The following MCIDAS variants were observed in gnomAD, a reference collection of about 807,000 sequenced individuals.
MCIDAS encodes multiciliate differentiation and DNA synthesis associated cell cycle protein, also known as multicilin.
A neutral mutation model predicts 35.4 loss-of-function variants in MCIDAS; 23 were observed. The ratio of observed to expected loss-of-function variants is 0.65; its 90% confidence interval spans 0.47 to 0.92. The LOEUF is 0.92. MCIDAS is among the 40% of genes least tolerant of loss of function. The probability of loss-of-function intolerance (pLI) is 0.00; values close to 1 mark genes in which losing one functional copy is unlikely to be tolerated. For missense variants in MCIDAS, 480 were observed against 531.8 expected (o/e 0.90, Z 0.96); for synonymous variants, 228 against 235.2 (o/e 0.97, Z 0.28).
rs973090404 is a variant in MCIDAS, at chr5:55,221,015, C to A, written c.717+1G>T. 1.3e-6 allele frequency: 2 copies of A among 1,535,362 alleles called. No homozygotes were observed. Among genetic ancestry groups the A allele is most frequent in the Non-Finnish European group, 1.7e-6 (2 of 1,146,240 alleles). On this transcript the variant is annotated splice_donor_variant, in intron 6 of 6. Transcript: ENST00000513312. LOFTEE classifies it high-confidence loss of function. ...TTCCCACACGCCCGCGCCCCACTTA[C>A]ATCCAGCACCGAGGCCAGGTGCCGG... is the stretch of plus-strand genomic sequence containing the variant.
rs1398796074 is a variant in MCIDAS at position 55,226,937 on chromosome 5, C to G, written c.121-6G>C. The G allele has an allele frequency of 4.8e-6, 7 of 1,459,366 alleles. No homozygotes were observed. The highest frequency in any genetic ancestry group is 6.3e-6 in the Non-Finnish European group (7 of 1,113,794). The allele number at this position is 1,459,366 out of a possible 1,614,324, so 90.4% of individuals were successfully genotyped here. A position where few individuals can be genotyped will look rare whatever the true frequency, so the allele number is the denominator to read the frequency against. On this transcript the variant is annotated splice_polypyrimidine_tract_variant and splice_region_variant and intron_variant, in intron 1 of 6. Transcript: ENST00000513312. ...AACTTCCGCGGAGGAGCGAACTGGC[C>G]GGGCACACAAACGTTGAACGCGGGT...
chr5:55,220,240 A>C lies in MCIDAS; in HGVS notation c.*126T>G, dbSNP rs1745324799. ...TAGCAGAAATTTACAATGCATCGGT[A>C]TCAAGATGCTTTTGTTCCTGAAAAA... On this transcript the variant is annotated 3_prime_UTR_variant, in exon 7 of 7. Coordinates refer to ENST00000513312, the MANE Select transcript of MCIDAS (RefSeq NM_001190787.3). 8.9e-6 allele frequency: 8 copies of C among 895,850 alleles called. No homozygotes were observed. Among genetic ancestry groups the C allele is most frequent in the Non-Finnish European group, 1.3e-5 (8 of 606,968 alleles). 55.5% of individuals were successfully genotyped at this position (895,850 alleles called of 1,614,324 possible).
At position 55,223,145 on chromosome 5, in the gene MCIDAS, G is replaced by T; in HGVS notation, c.310-122C>A. On this transcript the variant is annotated intron_variant, in intron 3 of 6. Transcript: ENST00000513312. The surrounding 1 kb of genome is among the most constrained non-coding windows in gnomAD (Gnocchi z 4.4). ...TGCAATATATGCACGTAACACAACT[G>T]CACTTGTACCCCTAAGTCCCCCCAA... The T allele has an allele frequency of 1.3e-6, 1 of 757,746 alleles. No homozygotes were observed. The highest frequency in any genetic ancestry group is 2.2e-6 in the Non-Finnish European group (1 of 461,864). The allele number at this position is 757,746 out of a possible 1,614,324, so 46.9% of individuals were successfully genotyped here.
At position 55,226,552 on chromosome 5, in the gene MCIDAS, AGGCTCC is replaced by A; in HGVS notation, c.309+18_309+23del. 1 of 1,525,848 alleles carries A rather than the reference AGGCTCC, an allele frequency of 6.6e-7. No individual in the cohort carries two copies. The highest frequency in any genetic ancestry group is 8.8e-7 in the Non-Finnish European group (1 of 1,141,638). The allele number at this position is 1,525,848 out of a possible 1,614,324, so 94.5% of individuals were successfully genotyped here. ...AGGGTTTGGGTTGCGTGAAACCACG[AGGCTCC>A]ACGAGAAGGGGAGGTACCTGCGAGG... On this transcript the variant is annotated intron_variant, in intron 3 of 6. Coordinates refer to ENST00000513312, the MANE Select transcript of MCIDAS (RefSeq NM_001190787.3).
Position 55,222,768 on chromosome 5 carries a change from G to A in MCIDAS, c.382+183C>T, listed in dbSNP as rs187099298. Among the ~76,000 whole-genome samples the A allele has an allele frequency of 2.5e-3, 377 of 152,312 alleles. 4 individuals are homozygous for A. Among genetic ancestry groups the A allele is most frequent in the Admixed American group, 0.022 (336 of 15,300 alleles). On this transcript the variant is annotated intron_variant, in intron 4 of 6. Coordinates refer to ENST00000513312, the MANE Select transcript of MCIDAS (RefSeq NM_001190787.3). ...AAGCGCTATGTAGATCCAGCGGTTC[G>A]ACTTCTCCACGGGGGAGAGAAATGT...
rs1745474451 is a variant in MCIDAS, at chr5:55,227,146, C to CCTGCCTCCGGGTGCCGA, written c.-25_-9dup. 8 of 1,435,274 alleles carry CCTGCCTCCGGGTGCCGA rather than the reference C, an allele frequency of 5.6e-6. No individual in the cohort carries two copies. The highest frequency in any genetic ancestry group is 7.3e-6 in the Non-Finnish European group (8 of 1,102,860). 88.9% of individuals were successfully genotyped at this position (1,435,274 alleles called of 1,614,324 possible). ...GCCCCCGCACGCCTGCATTGTGCCT[C>CCTGCCTCCGGGTGCCGA]CTGCCTCCGGGTGCCGACTGCTCGG... On this transcript the variant is annotated 5_prime_UTR_variant, in exon 1 of 7. Transcript: ENST00000513312.
At chr5:55,226,690 A>C (rs1216457860) in intron 2 of MCIDAS, 23 bp from the exon 3 acceptor site, 1 of 1,470,528 alleles carries the variant, frequency 6.8e-7, no homozygotes, top group Non-Finnish European at 9.0e-7. Flanking sequence ...ACCGGGAGAC[A>C]CGCGCCGGGC....
Position 55,220,400 on chromosome 5 carries a change from T to C in MCIDAS, c.1124A>G (p.Asn375Ser). The C allele has an allele frequency of 6.5e-7, 1 of 1,535,920 alleles. No homozygotes were observed. The highest frequency in any genetic ancestry group is 1.4e-5 in the African/African-American group (1 of 73,174). Residue 375 changes from asparagine to serine, a missense_variant, in exon 7 of 7, where the codon AAC becomes AGC. Asn to Ser is a conservative substitution (Grantham distance 46). Coordinates refer to ENST00000513312, the MANE Select transcript of MCIDAS (RefSeq NM_001190787.3). ...QGNAFTIRTANGGYKFRWVPS is the reference protein window; with the variant it reads ...QGNAFTIRTASGGYKFRWVPS Reference sequence around the variant, plus strand: ...GACCCAGCGGAACTTGTAACCCCCGTTGGCTGTTCTGATGGTGAAGGCATT... The same window carrying C: ...GACCCAGCGGAACTTGTAACCCCCGCTGGCTGTTCTGATGGTGAAGGCATT...
rs1471000530 is a variant in MCIDAS, at chr5:55,222,253, G to C, written c.529C>G (p.Pro177Ala). The change falls in exon 5 of 7, where the codon CCG (proline) becomes GCG (alanine). Residue 177 changes from proline to alanine, a missense_variant. Physicochemically the swap from Pro to Ala is conservative, Grantham distance 27 (BLOSUM62 -1). Transcript: ENST00000513312. ...ACCTCCTTCCAGTATTGCTCAGGCGGGGGCACGTCTGGAGGGCGCAGCGGT... is the reference window on the plus strand; with the variant it reads ...ACCTCCTTCCAGTATTGCTCAGGCGCGGGCACGTCTGGAGGGCGCAGCGGT... ...SPPLRPPDVP[P>A]PEQYWKEVAD... 1 of 1,536,058 alleles carries C rather than the reference G, an allele frequency of 6.5e-7. No homozygotes were observed. The highest frequency in any genetic ancestry group is 8.7e-7 in the Non-Finnish European group (1 of 1,146,910).
At position 55,227,269 on chromosome 5, in the gene MCIDAS, C is replaced by T; in HGVS notation, c.-131G>A. 8.1e-7 allele frequency: 1 copy of T among 1,233,534 alleles called. No homozygotes were observed. Among genetic ancestry groups the T allele is most frequent in the Non-Finnish European group, 1.0e-6 (1 of 955,978 alleles). 76.4% of individuals were successfully genotyped at this position (1,233,534 alleles called of 1,614,324 possible). A position where few individuals can be genotyped will look rare whatever the true frequency, so the allele number is the denominator to read the frequency against. On this transcript the variant is annotated 5_prime_UTR_variant, in exon 1 of 7. Transcript: ENST00000513312. ...CCAGAGGTTGGGGCAGGCGCGTGAC[C>T]GAGAAGGAGCCGAGGGGCTGCCGAG...
intron 5 of MCIDAS, among the ~76,000 whole-genome samples, chr5:55,221,868 T>C (rs1241756140): frequency 6.6e-6 from 1 of 151,490 alleles, no homozygotes; most frequent in African/African-American, 2.4e-5. Context: ...GAGGTTGTAG[T>C]GAACCGAGAT....
At position 55,220,330 on chromosome 5, in the gene MCIDAS, A is replaced by C; in HGVS notation, c.*36T>G. 6.7e-7 allele frequency: 1 copy of C among 1,501,218 alleles called. No homozygotes were observed. The highest frequency in any genetic ancestry group is 8.9e-7 in the Non-Finnish European group (1 of 1,123,950). 93.0% of individuals were successfully genotyped at this position (1,501,218 alleles called of 1,614,324 possible). ...GGAAGCCCCCAGGCACTTCAGTGGA[A>C]ACACAGGGCAGTGTTTTGGGGGACC... On this transcript the variant is annotated 3_prime_UTR_variant, in exon 7 of 7. Transcript: ENST00000513312.
At position 55,222,258 on chromosome 5, in the gene MCIDAS, A is replaced by G; in HGVS notation, c.524T>C (p.Val175Ala). Reference protein sequence around the residue: ...LQSPPLRPPDVPPPEQYWKEV... With the variant: ...LQSPPLRPPDAPPPEQYWKEV... ...CTTCCAGTATTGCTCAGGCGGGGGC[A>G]CGTCTGGAGGGCGCAGCGGTGGTGA... is the stretch of plus-strand genomic sequence containing the variant. The change falls in exon 5 of 7, where the codon GTG (valine) becomes GCG (alanine). Residue 175 changes from valine (V) to alanine (A), a missense_variant. Val to Ala is a moderately conservative substitution (Grantham distance 64, BLOSUM62 0). Coordinates refer to ENST00000513312, the MANE Select transcript of MCIDAS (RefSeq NM_001190787.3). 6.5e-7 allele frequency: 1 copy of G among 1,536,094 alleles called. No homozygotes were observed. The highest frequency in any genetic ancestry group is 8.7e-7 in the Non-Finnish European group (1 of 1,146,912).
intron 3 of MCIDAS, among the ~76,000 whole-genome samples, chr5:55,225,123 G>A (rs991654048): frequency 1.3e-5 from 2 of 152,172 alleles, no homozygotes; most frequent in African/African-American, 2.4e-5. Flanking sequence ...TGGGAGGATC[G>A]CCTGAGCCTG....
At chr5:55,222,660 A>G (rs1186382136) in intron 4 of MCIDAS, among the ~76,000 whole-genome samples, 1 of 151,814 alleles carries the variant, frequency 6.6e-6, no homozygotes, top group Non-Finnish European at 1.5e-5. Context: ...GGCCTTCGAT[A>G]CCCTGCACAC....
chr5:55,221,425 G>T (rs1209241712), intron 5 of MCIDAS, among the ~76,000 whole-genome samples: 2 of 152,000 alleles, frequency 1.3e-5, no homozygotes, highest in Non-Finnish European at 2.9e-5. Context: ...CTTGTAAAAC[G>T]GGGCTAGTAA....
Position 55,223,961 on chromosome 5 carries a change from T to C in MCIDAS, c.310-938A>G, listed in dbSNP as rs1009156615. On this transcript the variant is annotated intron_variant, in intron 3 of 6. Coordinates refer to ENST00000513312, the MANE Select transcript of MCIDAS (RefSeq NM_001190787.3). The surrounding 1 kb of genome is among the most constrained non-coding windows in gnomAD (Gnocchi z 4.4). The stretch of plus-strand genomic sequence containing the variant: ...CTAAGGGGCTGGAGGCGCATAGGCC[T>C]TCTTGTTCCCTTAATTCATGGACAT... Among the ~76,000 whole-genome samples the C allele has an allele frequency of 2.0e-5, 3 of 152,140 alleles. No homozygotes were observed. The highest frequency in any genetic ancestry group is 7.2e-5 in the African/African-American group (3 of 41,434).
chr5:55,219,661 G>A lies in MCIDAS; in HGVS notation c.*705C>T, dbSNP rs185563800. On this transcript the variant is annotated 3_prime_UTR_variant, in exon 7 of 7. Coordinates refer to ENST00000513312, the MANE Select transcript of MCIDAS (RefSeq NM_001190787.3). Reference sequence around the variant, plus strand: ...TTATTCTATTTGCACAAATAGAACTGTATGGATAATGAATATAAACTGTTA... The same window carrying A: ...TTATTCTATTTGCACAAATAGAACTATATGGATAATGAATATAAACTGTTA... 2.6e-5 allele frequency: 4 copies of A among 151,914 alleles called. No individual in the cohort carries two copies. The East Asian group carries it at 7.7e-4, about 29-fold the overall frequency. 9.4% of individuals were successfully genotyped at this position (151,914 alleles called of 1,614,324 possible).
In MCIDAS at chr5:55,223,360, C is replaced by A. The variant is rs1745397535; in HGVS notation, c.310-337G>T. Among the ~76,000 whole-genome samples, 3 of 152,176 alleles carry A rather than the reference C, an allele frequency of 2.0e-5. No homozygotes were observed. Among genetic ancestry groups the A allele is most frequent in the Admixed American group, 2.0e-4 (3 of 15,276 alleles). On this transcript the variant is annotated intron_variant, in intron 3 of 6. Coordinates refer to ENST00000513312, the MANE Select transcript of MCIDAS (RefSeq NM_001190787.3). The surrounding 1 kb of genome is among the most constrained non-coding windows in gnomAD (Gnocchi z 4.4). ...GGGGAGCGGGACGCACGGAGCACGA[C>A]ACTGACTGGGGGAAGGGGGCAGCAG...
Sources: allele counts gnomAD v4.1 joint callset (sites outside exome capture counted in the v4.1 genomes callset), GRCh38; gene constraint gnomAD v4.1.1; non-coding constraint Gnocchi (gnomAD v3.1); transcripts MANE v1.5; gene names NCBI Gene and HGNC (gene_info 2026-07-23, HGNC 2026-07-21).